The following DHX8 variants were observed in gnomAD, a reference collection of about 807,000 sequenced individuals.
DHX8 encodes the protein ATP-dependent RNA helicase DHX8.
In DHX8, 67 loss-of-function variants were observed where a neutral mutation model predicts 140.7. That is an observed-to-expected ratio of 0.48 (90% CI 0.39 to 0.58). The LOEUF (loss-of-function observed/expected upper bound fraction) is 0.58. Among genes scored for constraint, DHX8 ranks in the 20% least tolerant of loss-of-function variants. The pLI is 0.00. For missense variants in DHX8, 887 were observed against 1,550.7 expected, an observed-to-expected ratio of 0.57 and a Z score of 7.19; for synonymous variants, 533 against 553.2, an observed-to-expected ratio of 0.96 and a Z score of 0.51.
At position 43,490,430 on chromosome 17, in the gene DHX8, A is replaced by G; in HGVS notation, c.274A>G (p.Met92Val). The part of the protein sequence containing the change: ...ISNLLRLIQT[M>V]RPPAKPSTSK... Reference sequence around the variant, plus strand: ...TAACTTGCTGCGTCTCATACAAACCATGCGGCCTCCAGCGAAGCCTTCCAC... The same window carrying G: ...TAACTTGCTGCGTCTCATACAAACCGTGCGGCCTCCAGCGAAGCCTTCCAC... The change falls in exon 3 of 23, where the codon ATG becomes GTG. Residue 92 changes from methionine (M) to valine (V), a missense_variant. Physicochemically the swap from Met to Val is conservative, Grantham distance 21 (BLOSUM62 1). This residue lies in a region of DHX8 where 304 missense variants were observed against 306.9 expected (regional missense o/e 0.99). Coordinates refer to ENST00000262415, the MANE Select transcript of DHX8 (RefSeq NM_004941.3). 1 of 1,613,910 alleles carries G rather than the reference A, an allele frequency of 6.2e-7. No homozygotes were observed. Among genetic ancestry groups the G allele is most frequent in the Non-Finnish European group, 8.5e-7 (1 of 1,179,966 alleles).
At chr17:43,485,799 A>G (rs1388662685) in intron 1 of DHX8, among the ~76,000 whole-genome samples, 1 of 152,272 alleles carries the variant, frequency 6.6e-6, no homozygotes, top group Non-Finnish European at 1.5e-5. Context: ...TAAACTTCAT[A>G]ATCTTTTAGT....
chr17:43,528,069 C>T (rs1365356263), downstream of DHX8: 2 of 235,660 alleles, frequency 8.5e-6, no homozygotes, highest in Non-Finnish European at 1.7e-5. Context: ...AACCGGGACC[C>T]TCCAGGGCCA....
chr17:43,528,360 GTGAGCAGCTCAGAGTC>G, downstream of DHX8: 1 of 543,824 alleles, frequency 1.8e-6, no homozygotes, highest in Non-Finnish European at 3.2e-6. Flanking sequence ...AATGACTCCG[GTGAGCAGCTCAGAGTC>G]TGGGCTAGGG....
At chr17:43,517,455 C>G (rs1970168460) in intron 18 of DHX8, 133 bp downstream of exon 18, 1 of 1,066,882 alleles carries the variant, frequency 9.4e-7, no homozygotes, top group Non-Finnish European at 1.3e-6. Flanking sequence ...GAGTGAAATG[C>G]AAATGGCTGT....
intron 9 of DHX8, among the ~76,000 whole-genome samples, chr17:43,496,708 A>C (rs1968881948): frequency 6.6e-6 from 1 of 152,010 alleles, no homozygotes; most frequent in Non-Finnish European, 1.5e-5. Flanking sequence ...TGAACCCAGG[A>C]GACGGAGGTT....
downstream of DHX8, chr17:43,544,791 A>AT (rs1971715053): frequency 5.1e-6 from 3 of 592,778 alleles, no homozygotes; most frequent in Non-Finnish European, 9.2e-6. Context: ...AAATATCAAT[A>AT]TAAGTGTCCA....
At chr17:43,516,391 G>A (rs568986275) in intron 17 of DHX8, among the ~76,000 whole-genome samples, 1 of 152,038 alleles carries the variant, frequency 6.6e-6, no homozygotes, top group African/African-American at 2.4e-5. Context: ...CATTTAATGC[G>A]AATGAACATT....
At chr17:43,540,211 G>C (rs766592660) in intron 3 of DHX8, among the ~76,000 whole-genome samples, 12 of 152,130 alleles carry the variant, frequency 7.9e-5, no homozygotes, top group Non-Finnish European at 1.5e-4. Flanking sequence ...CCAGCACTTT[G>C]GGAGGCTGAG....
intron 1 of DHX8, 28 bp from the exon 2 acceptor site, chr17:43,489,421 T>A: frequency 6.7e-7 from 1 of 1,495,010 alleles, no homozygotes. Flanking sequence ...ATGTCTCTTC[T>A]TTTCTGAATT....
chr17:43,533,967 G>T, intron 2 of DHX8: 1 of 1,537,666 alleles, frequency 6.5e-7, no homozygotes, highest in Non-Finnish European at 8.7e-7. Context: ...GATCCTGGTG[G>T]TGGGGCTGTG....
rs750914324 is a variant in DHX8 at position 43,493,056 on chromosome 17, C to G, written c.863+16C>G. 7 of 1,604,300 alleles carry G rather than the reference C, an allele frequency of 4.4e-6. No homozygotes were observed. The highest frequency in any genetic ancestry group is 6.0e-6 in the Non-Finnish European group (7 of 1,172,468). On this transcript the variant is annotated intron_variant, in intron 6 of 22. Transcript: ENST00000262415. ...AAGGACTAAGGTAATGACTGGTGCT[C>G]TTTTGTTCACACCAGTGATGGGCAG... is the stretch of plus-strand genomic sequence containing the variant.
intron 11 of DHX8, among the ~76,000 whole-genome samples, chr17:43,503,927 GGAGAC>G (rs1567685389): frequency 2.0e-5 from 3 of 151,658 alleles, no homozygotes; most frequent in Non-Finnish European, 4.4e-5. Context: ...AGAGTAACAC[GGAGAC>G]CTGGCTTGGT....
intron 13 of DHX8, 134 bp downstream of exon 13, chr17:43,507,331 A>C: frequency 8.8e-7 from 1 of 1,138,230 alleles, no homozygotes; most frequent in Non-Finnish European, 1.2e-6. Flanking sequence ...CCATTGTCAT[A>C]ATCAGTCTGT....
intron 3 of DHX8, chr17:43,544,021 C>T (rs1971665203): frequency 6.6e-6 from 1 of 152,076 alleles, no homozygotes; most frequent in Non-Finnish European, 1.5e-5. Flanking sequence ...AAGGAAAATA[C>T]CTCAAAAAGA....
Position 43,520,210 on chromosome 17 carries a change from G to A in DHX8, c.2880G>A (p.Gln960=). Reference sequence around the variant, plus strand: ...AAACTTTGATCACAGCCATGGAGCAGCTGTACACACTGGGGGCCCTGGATG... The same window carrying A: ...AAACTTTGATCACAGCCATGGAGCAACTGTACACACTGGGGGCCCTGGATG... The part of the protein sequence containing the change: ...PMETLITAME[Q]LYTLGALDDE... The change falls in exon 19 of 23, where the codon CAG becomes CAA. Residue 960 remains glutamine (Q), a synonymous_variant. Coordinates refer to ENST00000262415, the MANE Select transcript of DHX8 (RefSeq NM_004941.3). The A allele has an allele frequency of 1.2e-6, 2 of 1,614,144 alleles. No individual in the cohort carries two copies. Among genetic ancestry groups the A allele is most frequent in the South Asian group, 2.2e-5 (2 of 91,080 alleles).
At chr17:43,490,702 A>G (rs1968462600) in intron 3 of DHX8, among the ~76,000 whole-genome samples, 1 of 152,090 alleles carries the variant, frequency 6.6e-6, no homozygotes, top group Non-Finnish European at 1.5e-5. Flanking sequence ...GAGAGACCTC[A>G]TCTCTACAAA....
At chr17:43,497,037 A>G (rs1968900107) in intron 9 of DHX8, among the ~76,000 whole-genome samples, 1 of 152,172 alleles carries the variant, frequency 6.6e-6, no homozygotes, top group South Asian at 2.1e-4. Context: ...AGAATTTTAC[A>G]AGCACCTCTG....
In DHX8 at chr17:43,522,227, G is replaced by A; in HGVS notation, c.3443+1G>A. The A allele has an allele frequency of 6.2e-7, 1 of 1,612,214 alleles. No individual in the cohort carries two copies. The highest frequency in any genetic ancestry group is 8.5e-7 in the Non-Finnish European group (1 of 1,178,624). On this transcript the variant is annotated splice_donor_variant, in intron 22 of 22. Transcript: ENST00000262415. LOFTEE classifies it high-confidence loss of function. ...CCCTCTTCAACAGACAGCCAGAATG[G>A]TAGGTGGACATGTCCCAGGGTCTAG... is the stretch of plus-strand genomic sequence containing the variant.
chr17:43,504,004 G>T (rs1356032349), intron 11 of DHX8, among the ~76,000 whole-genome samples: 1 of 151,544 alleles, frequency 6.6e-6, no homozygotes, highest in Non-Finnish European at 1.5e-5. Flanking sequence ...TTGAACCCAG[G>T]AATTTGAGGC....
Sources: gnomAD v4.1 joint callset for allele counts (sites outside exome capture counted in the v4.1 genomes callset) on GRCh38, gnomAD v4.1.1 for gene constraint, gnomAD v4.1.1 regional missense constraint, MANE v1.5 for transcripts, NCBI Gene and HGNC (gene_info 2026-07-23, HGNC 2026-07-21) for gene names.